The following GNG7 variants were observed in gnomAD, a reference collection of about 807,000 sequenced individuals.
GNG7 encodes the protein G protein subunit gamma 7, also known as guanine nucleotide-binding protein G(I)/G(S)/G(O) subunit gamma-7.
GNG7 carries 1 observed loss-of-function variant against 4.0 expected under a neutral mutation model. The observed-to-expected ratio is 0.25, with a 90% CI of 0.09 to 1.18. The LOEUF (loss-of-function observed/expected upper bound fraction) is 1.18, where lower values mean the gene tolerates loss of function less well. GNG7 is among the 50% of genes most tolerant of loss of function. The probability of loss-of-function intolerance (pLI) is 0.50; values close to 1 mark genes in which losing one functional copy is unlikely to be tolerated. For synonymous variants in GNG7, 34 were observed against 36.9 expected, an observed-to-expected ratio of 0.92 and a Z score of 0.29; for missense variants, 86 against 91.9, an observed-to-expected ratio of 0.94 and a Z score of 0.26.
At chr19:2,543,945 G>C (rs935964734) in intron 3 of GNG7, among the ~76,000 whole-genome samples, 3 of 152,130 alleles carry the variant, frequency 2.0e-5, no homozygotes, top group Non-Finnish European at 4.4e-5. Flanking sequence ...ATAGCTCGCA[G>C]AGCTCCTGGA....
intron 2 of GNG7, chr19:2,630,577 T>C (rs555724899): frequency 6.6e-6 from 1 of 152,084 alleles, no homozygotes; most frequent in East Asian, 2.0e-4. Context: ...TGCCCCCTCC[T>C]GACAGCTAAC....
chr19:2,594,148 A>G (rs1029409060), intron 2 of GNG7, among the ~76,000 whole-genome samples: 1 of 152,106 alleles, frequency 6.6e-6, no homozygotes, highest in African/African-American at 2.4e-5. Context: ...AGACGGGCGG[A>G]TCACCTGAGC....
At chr19:2,526,736 G>C (rs1049056688) in intron 3 of GNG7, among the ~76,000 whole-genome samples, 3 of 149,200 alleles carry the variant, frequency 2.0e-5, no homozygotes, top group African/African-American at 7.4e-5. Flanking sequence ...TACATTGTTT[G>C]CTATTGATTT....
chr19:2,548,559 T>G (rs762462435), intron 3 of GNG7, among the ~76,000 whole-genome samples: 110 of 135,882 alleles, frequency 8.1e-4, no homozygotes, highest in Non-Finnish European at 1.5e-3. Context: ...GTGGCTGAGG[T>G]GTGTGGCTCA....
At chr19:2,591,613 C>T (rs575001303) in intron 2 of GNG7, among the ~76,000 whole-genome samples, 1 of 151,966 alleles carries the variant, frequency 6.6e-6, no homozygotes, top group Admixed American at 6.6e-5. Flanking sequence ...AAGCTCTCTT[C>T]TACAATGGGT....
At chr19:2,560,202 G>A (rs1599391322) in intron 2 of GNG7, among the ~76,000 whole-genome samples, 3 of 152,014 alleles carry the variant, frequency 2.0e-5, no homozygotes, top group South Asian at 2.1e-4. Flanking sequence ...CCAAGCCGGC[G>A]AATTCGCAAA....
intron 2 of GNG7, among the ~76,000 whole-genome samples, chr19:2,639,335 T>C (rs1269457271): frequency 6.6e-6 from 1 of 151,924 alleles, no homozygotes; most frequent in African/African-American, 2.4e-5. Flanking sequence ...TATAAACTGT[T>C]CAAACAAATC....
Position 2,627,631 on chromosome 19 carries a change from T to C in GNG7, c.-78+18593A>G, listed in dbSNP as rs561585975. ...GACTGGCTCGAGACTTGCCTCTCAT[T>C]ACGAGCAAAGCTCTGATTCAGCCGG... On this transcript the variant is annotated intron_variant, in intron 2 of 4. Transcript: ENST00000382159. Among the ~76,000 whole-genome samples the C allele has an allele frequency of 2.0e-5, 3 of 152,348 alleles. No homozygotes were observed. In the South Asian group the frequency reaches 6.2e-4, roughly 32 times the overall value.
At chr19:2,574,277 C>G (rs1212511076) in intron 2 of GNG7, among the ~76,000 whole-genome samples, 1 of 152,168 alleles carries the variant, frequency 6.6e-6, no homozygotes, top group Non-Finnish European at 1.5e-5. Context: ...CCCTTCCTCT[C>G]CCTCTCTCTT....
intron 2 of GNG7, among the ~76,000 whole-genome samples, chr19:2,620,113 C>A (rs1200114887): frequency 6.6e-6 from 1 of 151,314 alleles, no homozygotes; most frequent in Non-Finnish European, 1.5e-5. Flanking sequence ...AGGAGAATTG[C>A]TTGAACCCGG....
At chr19:2,608,760 G>A (rs1981472578) in intron 2 of GNG7, among the ~76,000 whole-genome samples, 1 of 152,174 alleles carries the variant, frequency 6.6e-6, no homozygotes, top group African/African-American at 2.4e-5. Context: ...GGCTGTCAGG[G>A]GGCCTGCTGC....
chr19:2,624,542 A>G (rs1442429214), intron 2 of GNG7, among the ~76,000 whole-genome samples: 2 of 151,684 alleles, frequency 1.3e-5, no homozygotes, highest in Admixed American at 6.6e-5. Context: ...AAAAAAAAAA[A>G]AAAAGAAAAA....
chr19:2,631,425 G>C (rs1982155804), intron 2 of GNG7, among the ~76,000 whole-genome samples: 1 of 152,246 alleles, frequency 6.6e-6, no homozygotes, highest in African/African-American at 2.4e-5. Flanking sequence ...CTGAGGGTCA[G>C]CAAACCTTTT....
chr19:2,515,089 G>A lies in GNG7; in HGVS notation c.140C>T (p.Pro47Leu). 1 of 1,613,880 alleles carries A rather than the reference G, an allele frequency of 6.2e-7. No homozygotes were observed. The highest frequency in any genetic ancestry group is 8.5e-7 in the Non-Finnish European group (1 of 1,179,832). The change falls in exon 5 of 5, where the codon CCC becomes CTC. Residue 47 changes from proline to leucine, a missense_variant. Transcript: ENST00000382159. Reference protein sequence around the residue: ...SYCEQHARNDPLLVGVPASEN... With the variant: ...SYCEQHARNDLLLVGVPASEN... ...CGAGGCAGGGACTCCGACCAGCAGG[G>A]GGTCGTTCCGGGCATGTTGCTCACA... is the stretch of plus-strand genomic sequence containing the variant.
chr19:2,696,975 C>T (rs970178069), intron 1 of GNG7, among the ~76,000 whole-genome samples: 2 of 151,992 alleles, frequency 1.3e-5, no homozygotes, highest in Non-Finnish European at 2.9e-5. Flanking sequence ...GCCTCAGCCT[C>T]CTGAGTAGCT....
chr19:2,669,878 C>CG (rs1983406298), intron 1 of GNG7, among the ~76,000 whole-genome samples: 1 of 151,552 alleles, frequency 6.6e-6, no homozygotes, highest in Admixed American at 6.6e-5. Context: ...GGCGTGGTGG[C>CG]GGGTACCTAT....
chr19:2,567,928 C>G (rs897385468), intron 2 of GNG7, among the ~76,000 whole-genome samples: 1 of 152,130 alleles, frequency 6.6e-6, no homozygotes, highest in Non-Finnish European at 1.5e-5. Context: ...CGTTGCCATT[C>G]AGCAGGAACT....
intron 2 of GNG7, among the ~76,000 whole-genome samples, chr19:2,635,363 G>GA (rs1038951801): frequency 3.3e-5 from 5 of 151,850 alleles, no homozygotes; most frequent in African/African-American, 1.2e-4. Context: ...TAATTTGAGG[G>GA]AAAAAAAAGT....
At chr19:2,638,680 G>A (rs1035918815) in intron 2 of GNG7, among the ~76,000 whole-genome samples, 32 of 150,168 alleles carry the variant, frequency 2.1e-4, no homozygotes, top group Non-Finnish European at 8.9e-5. Flanking sequence ...AACCACTCAT[G>A]CCAGGAGCAC....
Sources: allele counts gnomAD v4.1 joint callset (sites outside exome capture counted in the v4.1 genomes callset), GRCh38; gene constraint gnomAD v4.1.1; transcripts MANE v1.5; gene names NCBI Gene and HGNC (gene_info 2026-07-23, HGNC 2026-07-21).